Variants in ADARB2 observed in about 807,000 individuals in gnomAD.
ADARB2 encodes adenosine deaminase RNA specific B2 (inactive).
A neutral mutation model predicts 62.2 loss-of-function variants in ADARB2; 25 were observed. The ratio of observed to expected loss-of-function variants is 0.40; its 90% CI spans 0.29 to 0.56. ADARB2 has a LOEUF of 0.56. Among genes scored for constraint, ADARB2 ranks in the 20% least tolerant of loss-of-function variants. The pLI is 0.43. For synonymous variants in ADARB2, 572 were observed against 500.8 expected, an observed-to-expected ratio of 1.14 and a Z score of -1.90; for missense variants, 1,071 against 1,077.4, an observed-to-expected ratio of 0.99 and a Z score of 0.08.
intron 1 of ADARB2, among the ~76,000 whole-genome samples, chr10:1,717,590 CT>C (rs1275799500): frequency 1.6e-5 from 2 of 127,734 alleles, no homozygotes; most frequent in African/African-American, 5.9e-5. Context: ...TTTCTTTCTT[CT>C]TTTTTTGAGA....
At chr10:1,321,782 T>C (rs778042098) in intron 3 of ADARB2, among the ~76,000 whole-genome samples, 2 of 152,136 alleles carry the variant, frequency 1.3e-5, no homozygotes, top group Non-Finnish European at 2.9e-5. Context: ...AGGTTGAAAA[T>C]GGCATGGGTT....
At chr10:1,508,342 C>A (rs1452033085) in intron 1 of ADARB2, among the ~76,000 whole-genome samples, 1 of 152,204 alleles carries the variant, frequency 6.6e-6, no homozygotes, top group Admixed American at 6.5e-5. Flanking sequence ...TCGGCTTGGC[C>A]AAGCTATGTG....
chr10:1,569,179 A>G (rs897697627), intron 1 of ADARB2, among the ~76,000 whole-genome samples: 8 of 151,982 alleles, frequency 5.3e-5, no homozygotes, highest in Non-Finnish European at 1.0e-4. Context: ...AAGGAGAGGG[A>G]CAGAGAGAGA....
intron 1 of ADARB2, among the ~76,000 whole-genome samples, chr10:1,721,805 T>C (rs1452473924): frequency 2.0e-5 from 3 of 152,146 alleles, no homozygotes; most frequent in Non-Finnish European, 4.4e-5. Context: ...ATCCCAGCCC[T>C]TGGTCAGTGC....
intron 1 of ADARB2, among the ~76,000 whole-genome samples, chr10:1,405,662 G>A (rs928343973): frequency 6.9e-6 from 1 of 145,760 alleles, no homozygotes; most frequent in East Asian, 2.1e-4. Flanking sequence ...AATTTAAGAT[G>A]TTTCTTGGGA....
intron 4 of ADARB2, among the ~76,000 whole-genome samples, chr10:1,268,959 T>G (rs1358362648): frequency 6.6e-6 from 1 of 152,206 alleles, no homozygotes; most frequent in Non-Finnish European, 1.5e-5. Flanking sequence ...CTTGCCAGAT[T>G]TGTTTCCCAG....
intron 3 of ADARB2, among the ~76,000 whole-genome samples, chr10:1,311,930 G>A (rs1350555089): frequency 6.6e-6 from 1 of 152,200 alleles, no homozygotes; most frequent in African/African-American, 2.4e-5. Flanking sequence ...ATCCCTGAGA[G>A]TCTGTACTCA....
At chr10:1,372,171 G>A (rs1480271161) in intron 2 of ADARB2, among the ~76,000 whole-genome samples, 2 of 152,184 alleles carry the variant, frequency 1.3e-5, no homozygotes, top group Non-Finnish European at 1.5e-5. Flanking sequence ...CAACATGAAT[G>A]GAGCTGGAGG....
intron 6 of ADARB2, among the ~76,000 whole-genome samples, chr10:1,224,303 A>T (rs1238090028): frequency 1.3e-5 from 2 of 151,384 alleles, no homozygotes; most frequent in East Asian, 3.9e-4. Context: ...CATCTCTTTG[A>T]TTCTTCTCTC....
chr10:1,440,016 G>C (rs916019525), intron 1 of ADARB2, among the ~76,000 whole-genome samples: 1 of 149,922 alleles, frequency 6.7e-6, no homozygotes, highest in Non-Finnish European at 1.5e-5. Flanking sequence ...GACTGAGGCA[G>C]GTCCTTCATG....
intron 1 of ADARB2, among the ~76,000 whole-genome samples, chr10:1,439,908 C>T (rs1381493705): frequency 2.0e-5 from 3 of 151,188 alleles, no homozygotes; most frequent in Non-Finnish European, 4.4e-5. Context: ...CCTGAGTCTC[C>T]TCAGTGGACG....
chr10:1,645,388 G>A (rs190059361), intron 1 of ADARB2, among the ~76,000 whole-genome samples: 25 of 152,332 alleles, frequency 1.6e-4, no homozygotes, highest in African/African-American at 5.8e-4. Flanking sequence ...TCGACCTGGA[G>A]CCTGCACAGC....
chr10:1,311,097 C>G (rs1028948456), intron 3 of ADARB2, among the ~76,000 whole-genome samples: 2 of 152,170 alleles, frequency 1.3e-5, no homozygotes, highest in African/African-American at 4.8e-5. Flanking sequence ...GACCAATGCT[C>G]ATGGGGGTCA....
intron 9 of ADARB2, 49 bp downstream of exon 9, chr10:1,184,812 C>T (rs747992151): frequency 6.3e-7 from 1 of 1,582,214 alleles, no homozygotes; most frequent in Non-Finnish European, 8.6e-7. Flanking sequence ...AGGGCTGGAG[C>T]CAGGGTCTGG....
At chr10:1,392,897 C>A (rs1832582459) in intron 1 of ADARB2, among the ~76,000 whole-genome samples, 1 of 152,154 alleles carries the variant, frequency 6.6e-6, no homozygotes, top group South Asian at 2.1e-4. Flanking sequence ...ACCCCCCAGT[C>A]CCTCAGAATG....
chr10:1,304,117 A>G (rs1319697997), intron 3 of ADARB2, among the ~76,000 whole-genome samples: 199 of 151,708 alleles, frequency 1.3e-3, no homozygotes, highest in Middle Eastern at 3.4e-3. Context: ...AGTGTGCTGT[A>G]TTCAGGAAAC....
At chr10:1,259,622 G>T (rs1446955324) in intron 4 of ADARB2, among the ~76,000 whole-genome samples, 1 of 152,172 alleles carries the variant, frequency 6.6e-6, no homozygotes. Context: ...TCTCTGAATA[G>T]ACCAATAACA....
At chr10:1,283,635 A>G (rs966901268) in intron 3 of ADARB2, among the ~76,000 whole-genome samples, 6 of 152,102 alleles carry the variant, frequency 3.9e-5, no homozygotes, top group Non-Finnish European at 7.3e-5. Flanking sequence ...AGTGTTGATG[A>G]TCGTGAGAAT....
At chr10:1,269,089 T>A (rs1375943899) in intron 4 of ADARB2, among the ~76,000 whole-genome samples, 1 of 152,146 alleles carries the variant, frequency 6.6e-6, no homozygotes. Context: ...CCAGGGTGGC[T>A]GGTGCCCCTC....
Sources: gnomAD v4.1 joint callset for allele counts (sites outside exome capture counted in the v4.1 genomes callset) on GRCh38, gnomAD v4.1.1 for gene constraint, MANE v1.5 for transcripts, NCBI Gene and HGNC (gene_info 2026-07-23, HGNC 2026-07-21) for gene names.